The following MEGF11 variants were observed in gnomAD, a reference collection of about 807,000 sequenced individuals.
The protein encoded by MEGF11 is multiple epidermal growth factor-like domains protein 11.
Under a neutral mutation model 146.6 loss-of-function variants are expected in MEGF11, and 126 were observed. That is an observed-to-expected ratio of 0.86 (90% CI 0.74 to 1.00). MEGF11 has a LOEUF of 1.00. Ranked by LOEUF, MEGF11 falls within the 50% of genes least tolerant of loss-of-function variation. The probability of loss-of-function intolerance (pLI) is 0.00; values close to 1 mark genes in which losing one functional copy is unlikely to be tolerated. For missense variants in MEGF11, 1,509 were observed against 1,521.2 expected (o/e 0.99, Z 0.13); for synonymous variants, 532 against 583.4 (o/e 0.91, Z 1.27).
chr15:66,169,777 G>A lies in MEGF11; in HGVS notation c.-8-41366C>T, dbSNP rs894564602. On this transcript the variant is annotated intron_variant, in intron 1 of 25. Coordinates refer to ENST00000395614, the MANE Select transcript of MEGF11 (RefSeq NM_001385028.1). ...TTGACCCCGGGTGGTTGGGTGAGACGGCCAGCGCTGCTGGGTTCCTTCCTA... is the reference window on the plus strand; with the variant it reads ...TTGACCCCGGGTGGTTGGGTGAGACAGCCAGCGCTGCTGGGTTCCTTCCTA... Among the ~76,000 whole-genome samples the A allele has an allele frequency of 5.9e-5, 9 of 152,158 alleles. No homozygotes were observed. In the South Asian group the frequency reaches 6.2e-4, roughly 11 times the overall value.
intron 12 of MEGF11, 28 bp downstream of exon 12, chr15:65,929,692 A>T: frequency 6.5e-7 from 1 of 1,543,196 alleles, no homozygotes; most frequent in Non-Finnish European, 8.8e-7. Flanking sequence ...GCGGAGCCCA[A>T]CCTGTCCCTC....
At chr15:66,111,266 A>G (rs11634419) in intron 4 of MEGF11, among the ~76,000 whole-genome samples, 43,620 of 152,000 alleles carry the variant, frequency 0.29, 6,395 homozygotes, top group Middle Eastern at 0.44. Flanking sequence ...GTTAGCAATC[A>G]CTCCAAGAAG....
At chr15:65,961,780 T>C (rs149030397) in intron 9 of MEGF11, among the ~76,000 whole-genome samples, 1 of 152,334 alleles carries the variant, frequency 6.6e-6, no homozygotes, top group Non-Finnish European at 1.5e-5. Context: ...CTAGGAAAGA[T>C]GCTCAAGACC....
chr15:65,977,477 CTTT>C (rs1180788795), intron 7 of MEGF11, among the ~76,000 whole-genome samples: 2 of 130,366 alleles, frequency 1.5e-5, no homozygotes. Flanking sequence ...CTCTCTCCCT[CTTT>C]TTTTTTTTTT....
At chr15:65,946,899 C>T (rs886615436) in intron 10 of MEGF11, among the ~76,000 whole-genome samples, 42 of 152,174 alleles carry the variant, frequency 2.8e-4, no homozygotes, top group African/African-American at 9.2e-4. Context: ...ACACCCTCCT[C>T]GACACCTGTG....
chr15:66,227,025 T>G (rs2091868253), intron 1 of MEGF11, among the ~76,000 whole-genome samples: 1 of 152,156 alleles, frequency 6.6e-6, no homozygotes, highest in Admixed American at 6.5e-5. Context: ...AGGGAGGTGG[T>G]GTGAGGCGTG....
chr15:66,158,066 T>A lies in MEGF11; in HGVS notation c.-8-29655A>T, dbSNP rs184733567. Among the ~76,000 whole-genome samples, 7 of 152,332 alleles carry A rather than the reference T, an allele frequency of 4.6e-5. No homozygotes were observed. In the East Asian group the frequency reaches 1.4e-3, roughly 29 times the overall value. On this transcript the variant is annotated intron_variant, in intron 1 of 25. Coordinates refer to ENST00000395614, the MANE Select transcript of MEGF11 (RefSeq NM_001385028.1). ...TTTTCCCATTTGTCGGATGAAATGTTCACTTGCGTGAATGACTTGCAAATG... is the reference window on the plus strand; with the variant it reads ...TTTTCCCATTTGTCGGATGAAATGTACACTTGCGTGAATGACTTGCAAATG...
chr15:66,028,182 C>G (rs2083400987), intron 5 of MEGF11, among the ~76,000 whole-genome samples: 1 of 152,218 alleles, frequency 6.6e-6, no homozygotes. Context: ...TTCTGGACTG[C>G]AAGCTTGAGG....
intron 5 of MEGF11, among the ~76,000 whole-genome samples, chr15:66,009,053 A>C (rs1413714348): frequency 6.6e-6 from 1 of 152,124 alleles, no homozygotes; most frequent in African/African-American, 2.4e-5. Context: ...TTTCACTCTT[A>C]CATTCTAGGA....
chr15:66,042,575 G>A (rs1329377068), intron 5 of MEGF11, among the ~76,000 whole-genome samples: 1 of 152,088 alleles, frequency 6.6e-6, no homozygotes, highest in African/African-American at 2.4e-5. Flanking sequence ...CCACAAACTG[G>A]GTGGCTTAAA....
At chr15:66,179,361 G>A (rs537551918) in intron 1 of MEGF11, among the ~76,000 whole-genome samples, 4 of 152,288 alleles carry the variant, frequency 2.6e-5, no homozygotes, top group Admixed American at 2.0e-4. Context: ...TTGAACTCCT[G>A]ACTTCAGGTG....
chr15:66,099,821 GGAT>G (rs1331022774), intron 4 of MEGF11, among the ~76,000 whole-genome samples: 4 of 152,202 alleles, frequency 2.6e-5, no homozygotes, highest in African/African-American at 9.7e-5. Flanking sequence ...CCAGCTCAGA[GGAT>G]GATAGAATGG....
chr15:65,973,921 G>C (rs2081371959), intron 7 of MEGF11, among the ~76,000 whole-genome samples: 1 of 152,192 alleles, frequency 6.6e-6, no homozygotes, highest in Non-Finnish European at 1.5e-5. Flanking sequence ...CTGCCCCCCA[G>C]TATTAGCCTT....
intron 1 of MEGF11, among the ~76,000 whole-genome samples, chr15:66,158,206 T>C (rs1161628989): frequency 6.6e-6 from 1 of 152,252 alleles, no homozygotes; most frequent in Non-Finnish European, 1.5e-5. Flanking sequence ...CCAGAAGCAC[T>C]GCTGAGGACA....
intron 14 of MEGF11, 95 bp from the exon 15 acceptor site, chr15:65,922,567 ACCTGCATCCTTC>A: frequency 7.0e-7 from 1 of 1,437,326 alleles, no homozygotes; most frequent in Non-Finnish European, 9.2e-7. Context: ...ACATGGGGAG[ACCTGCATCCTTC>A]CCTCATCTTG....
intron 1 of MEGF11, among the ~76,000 whole-genome samples, chr15:66,137,388 C>G (rs887759946): frequency 6.6e-6 from 1 of 152,118 alleles, no homozygotes; most frequent in South Asian, 2.1e-4. Flanking sequence ...GTGAAAAACG[C>G]AGGTTACAAA....
At chr15:66,186,913 C>G (rs2090723130) in intron 1 of MEGF11, among the ~76,000 whole-genome samples, 1 of 152,178 alleles carries the variant, frequency 6.6e-6, no homozygotes, top group African/African-American at 2.4e-5. Context: ...AGAGGCAGCA[C>G]TGGCTTTGAA....
At chr15:66,253,023 T>A (rs947364389) in intron 1 of MEGF11, among the ~76,000 whole-genome samples, 1 of 152,208 alleles carries the variant, frequency 6.6e-6, no homozygotes, top group Non-Finnish European at 1.5e-5. Flanking sequence ...AATAGGGGGA[T>A]ACACGTTCCG....
chr15:66,061,357 C>A (rs1871004), intron 5 of MEGF11, among the ~76,000 whole-genome samples: 120,602 of 152,148 alleles, frequency 0.79, 50,696 homozygotes, highest in East Asian at 0.94. Context: ...TCACTGTCCC[C>A]TTCTCCTAAC....
Sources: gnomAD v4.1 joint callset for allele counts (sites outside exome capture counted in the v4.1 genomes callset) on GRCh38, gnomAD v4.1.1 for gene constraint, MANE v1.5 for transcripts, NCBI Gene and HGNC (gene_info 2026-07-23, HGNC 2026-07-21) for gene names.